MEGF10: variants seen among roughly 807,000 people sequenced by gnomAD.
MEGF10 encodes multiple epidermal growth factor-like domains protein 10.
In MEGF10, 86 loss-of-function variants were observed where a neutral mutation model predicts 147.5. That is an observed-to-expected ratio of 0.58 (90% CI 0.49 to 0.70). The LOEUF is 0.70. Among genes scored for constraint, MEGF10 ranks in the 30% least tolerant of loss-of-function variants. The probability of loss-of-function intolerance (pLI) is 0.00; values close to 1 mark genes in which losing one functional copy is unlikely to be tolerated. For synonymous variants in MEGF10, 478 were observed against 525.5 expected (o/e 0.91, Z 1.24); for missense variants, 1,329 against 1,487.3 (o/e 0.89, Z 1.75).
Position 127,339,163 on chromosome 5 carries a change from C to A in MEGF10, c.160C>A (p.Gln54Lys), listed in dbSNP as rs1761581164. Residue 54 changes from glutamine (Q) to lysine (K), a missense_variant, in exon 3 of 25, where the codon CAA becomes AAA. Transcript: ENST00000503335. ...AGAGTCATACCCACATCCCTTTGAT[C>A]AAATTTACTACACGAGCTGCACTGA... Reference protein sequence around the residue: ...VQESYPHPFDQIYYTSCTDIL... With the variant: ...VQESYPHPFDKIYYTSCTDIL... The A allele has an allele frequency of 6.2e-7, 1 of 1,612,518 alleles. No individual in the cohort carries two copies. Among genetic ancestry groups the A allele is most frequent in the South Asian group, 1.1e-5 (1 of 90,994 alleles).
the MEGF10 span, among the ~76,000 whole-genome samples, chr5:127,247,355 AG>A: frequency 9.3e-4 from 2 of 2,142 alleles, no homozygotes; most frequent in Non-Finnish European, 1.7e-3. Context: ...AAGAAGAAGA[AG>A]AAGAAGAAGA....
chr5:127,459,208 A>G lies in MEGF10; in HGVS notation c.*1890A>G, dbSNP rs1050753782. 4 of 152,196 alleles carry G rather than the reference A, an allele frequency of 2.6e-5. 1 individual carries two copies. Among genetic ancestry groups the G allele is most frequent in the Admixed American group, 2.6e-4 (4 of 15,272 alleles). The allele number at this position is 152,196 out of a possible 1,614,324, so 9.4% of individuals were successfully genotyped here. A position where few individuals can be genotyped will look rare whatever the true frequency, so the allele number is the denominator to read the frequency against. On this transcript the variant is annotated 3_prime_UTR_variant, in exon 25 of 25. Coordinates refer to ENST00000503335, the MANE Select transcript of MEGF10 (RefSeq NM_001256545.2). ...TCGAGTTGGAATATCCAGTTATTTC[A>G]TGTCACACATCGGCACGTATGATGG...
chr5:127,326,983 T>C (rs1761063187), intron 1 of MEGF10, among the ~76,000 whole-genome samples: 1 of 152,208 alleles, frequency 6.6e-6, no homozygotes, highest in Non-Finnish European at 1.5e-5. Flanking sequence ...TTTATTTCTC[T>C]TTAACTCAAT....
chr5:127,426,987 G>A (rs1765227050), intron 13 of MEGF10, among the ~76,000 whole-genome samples: 1 of 152,236 alleles, frequency 6.6e-6, no homozygotes, highest in South Asian at 2.1e-4. Flanking sequence ...CTGAGGAGGA[G>A]GAAGATTATG....
At chr5:127,247,387 AAGAAGAAGAAGAAGAAGAAGAAGAAG>A in the MEGF10 span, among the ~76,000 whole-genome samples, 1 of 26,814 alleles carries the variant, frequency 3.7e-5, no homozygotes, top group Non-Finnish European at 7.4e-5. Context: ...GAAGAAGAAG[AAGAAGAAGAAGAAGAAGAAGAAGAAG>A]AAGAAGAAGA....
rs972407135 is a variant in MEGF10, at chr5:127,457,556, C to T, written c.*238C>T. 2 of 461,034 alleles carry T rather than the reference C, an allele frequency of 4.3e-6. No homozygotes were observed. Among genetic ancestry groups the T allele is most frequent in the African/African-American group, 2.0e-5 (1 of 51,144 alleles). 28.6% of individuals were successfully genotyped at this position (461,034 alleles called of 1,614,324 possible). A position where few individuals can be genotyped will look rare whatever the true frequency, so the allele number is the denominator to read the frequency against. On this transcript the variant is annotated 3_prime_UTR_variant, in exon 25 of 25. Transcript: ENST00000503335. ...TTGCTGTTAGTTTTAGAACTATACC[C>T]GTGAAGCATGACTTATTGTAAGATG...
At chr5:127,430,504 C>G (rs1049417679) in intron 13 of MEGF10, among the ~76,000 whole-genome samples, 1 of 152,220 alleles carries the variant, frequency 6.6e-6, no homozygotes, top group Non-Finnish European at 1.5e-5. Flanking sequence ...ACCCAACACT[C>G]TCTTAGTGAT....
At chr5:127,308,615 G>A (rs980675075) in intron 1 of MEGF10, among the ~76,000 whole-genome samples, 2 of 150,524 alleles carry the variant, frequency 1.3e-5, no homozygotes, top group Non-Finnish European at 2.9e-5. Flanking sequence ...TCGCAAGGAC[G>A]AAAAACCAAA....
At chr5:127,277,324 T>C in the MEGF10 span, among the ~76,000 whole-genome samples, 3 of 152,168 alleles carry the variant, frequency 2.0e-5, no homozygotes, top group African/African-American at 7.2e-5. Flanking sequence ...TGAGGGAGTA[T>C]AGGAGTTGGG....
At chr5:127,375,782 C>T (rs780020325) in intron 5 of MEGF10, among the ~76,000 whole-genome samples, 2 of 152,170 alleles carry the variant, frequency 1.3e-5, no homozygotes, top group Non-Finnish European at 2.9e-5. Flanking sequence ...CTCCATTGTG[C>T]CTGGCATGTG....
At chr5:127,450,110 T>C (rs369549778) in intron 22 of MEGF10, among the ~76,000 whole-genome samples, 8 of 152,388 alleles carry the variant, frequency 5.2e-5, no homozygotes, top group African/African-American at 1.9e-4. Context: ...TGTCTGCTTT[T>C]ACGTTCAGTT....
At chr5:127,414,784 A>C (rs1017575108) in intron 9 of MEGF10, among the ~76,000 whole-genome samples, 1 of 152,192 alleles carries the variant, frequency 6.6e-6, no homozygotes, top group Admixed American at 6.5e-5. Context: ...AACAGATTTA[A>C]TTCTGGCCCT....
At chr5:127,229,720 C>T in the MEGF10 span, 18 of 152,292 alleles carry the variant, frequency 1.2e-4, 1 homozygote, top group African/African-American at 4.3e-4. Context: ...CTCACCTCCT[C>T]CGGGCGTGTG....
At chr5:127,269,686 A>AT in the MEGF10 span, among the ~76,000 whole-genome samples, 1 of 152,310 alleles carries the variant, frequency 6.6e-6, no homozygotes, top group African/African-American at 2.4e-5. Flanking sequence ...TCCAGGAGAA[A>AT]TTCCCCGATC....
intron 5 of MEGF10, among the ~76,000 whole-genome samples, chr5:127,393,274 T>C (rs1195060763): frequency 6.6e-6 from 1 of 152,208 alleles, no homozygotes; most frequent in East Asian, 1.9e-4. Context: ...AATGTGGTAC[T>C]TGAATTCAGG....
At chr5:127,299,710 A>T (rs1759684730) in intron 1 of MEGF10, among the ~76,000 whole-genome samples, 1 of 150,378 alleles carries the variant, frequency 6.6e-6, no homozygotes, top group Non-Finnish European at 1.5e-5. Context: ...GTTCCTGTGG[A>T]TACTTGTAGG....
intron 20 of MEGF10, among the ~76,000 whole-genome samples, chr5:127,447,239 G>A (rs1330642788): frequency 2.6e-5 from 4 of 152,154 alleles, no homozygotes; most frequent in African/African-American, 2.4e-5. Context: ...GCAGTGGTGC[G>A]ATCTCGGCTC....
intron 1 of MEGF10, among the ~76,000 whole-genome samples, chr5:127,327,937 G>A (rs1246050915): frequency 1.3e-5 from 2 of 151,894 alleles, no homozygotes; most frequent in Non-Finnish European, 2.9e-5. Context: ...GGGTGGTTTC[G>A]AACTCCTGAC....
At chr5:127,307,214 T>A (rs1311515986) in intron 1 of MEGF10, among the ~76,000 whole-genome samples, 1 of 152,164 alleles carries the variant, frequency 6.6e-6, no homozygotes, top group Non-Finnish European at 1.5e-5. Context: ...CACCATATGA[T>A]GTTAGACACC....
Sources: allele counts gnomAD v4.1 joint callset (sites outside exome capture counted in the v4.1 genomes callset), GRCh38; gene constraint gnomAD v4.1.1; transcripts MANE v1.5; gene names NCBI Gene and HGNC (gene_info 2026-07-23, HGNC 2026-07-21).